Variants in FBH1 observed in about 807,000 individuals in gnomAD.
FBH1 encodes the protein DNA 3'-5' helicase 1.
In FBH1, 43 loss-of-function variants were observed where a neutral mutation model predicts 115.5. The ratio of observed to expected loss-of-function variants is 0.37; its 90% CI spans 0.29 to 0.48. FBH1 has a LOEUF of 0.48. Among genes scored for constraint, FBH1 ranks in the 20% least tolerant of loss-of-function variants. FBH1 has a pLI of 0.99. For missense variants in FBH1, 1,001 were observed against 1,337.3 expected, an observed-to-expected ratio of 0.75 and a Z score of 3.92; for synonymous variants, 524 against 507.8, an observed-to-expected ratio of 1.03 and a Z score of -0.43.
chr10:5,901,561 TC>T (rs1287420434), intron 1 of FBH1, among the ~76,000 whole-genome samples: 5 of 151,450 alleles, frequency 3.3e-5, no homozygotes, highest in Non-Finnish European at 5.9e-5. Context: ...TTCTTTTTTT[TC>T]TTTTTCTTTT....
chr10:5,907,883 CTT>C (rs1307520176), intron 3 of FBH1, among the ~76,000 whole-genome samples: 1 of 152,176 alleles, frequency 6.6e-6, no homozygotes, highest in Non-Finnish European at 1.5e-5. Context: ...CATATAATAA[CTT>C]AAGTGGTTTT....
In FBH1 at chr10:5,890,827, T is replaced by TG. The variant is rs1842671543; in HGVS notation, c.1+483dup. 2.6e-5 allele frequency among the ~76,000 whole-genome samples: 4 copies of TG among 152,204 alleles called. No individual in the cohort carries two copies. The South Asian group carries it at 8.3e-4, about 32-fold the overall frequency. ...GGCGATGTGGGAGGCCTGGCGCTGGTGGAGGGCACGGCGAGAGCTGGGCAG... is the reference window on the plus strand; with the variant it reads ...GGCGATGTGGGAGGCCTGGCGCTGGTGGGAGGGCACGGCGAGAGCTGGGCAG... On this transcript the variant is annotated intron_variant, in intron 1 of 20. Coordinates refer to ENST00000362091, the MANE Select transcript of FBH1 (RefSeq NM_178150.3).
intron 2 of FBH1, chr10:5,905,101 A>T (rs1170664697): frequency 6.6e-6 from 1 of 152,268 alleles, no homozygotes; most frequent in Non-Finnish European, 1.5e-5. Context: ...ATTGGTGCTT[A>T]GTAAATGTTC....
In FBH1 at chr10:5,936,323, G is replaced by T. The variant is rs989793282; in HGVS notation, c.2830-133G>T. 1.0e-5 allele frequency: 10 copies of T among 985,178 alleles called. No homozygotes were observed. The African/African-American group carries it at 1.6e-4, about 16-fold the overall frequency. 61.0% of individuals were successfully genotyped at this position (985,178 alleles called of 1,614,324 possible). On this transcript the variant is annotated intron_variant, in intron 19 of 20. Transcript: ENST00000362091. The surrounding 1 kb of genome is among the most constrained non-coding windows in gnomAD (Gnocchi z 5.6). ...AGTTAGAGGAAGTAAGGGAGAACGG[G>T]TTAGGCGGGGTTTTTCTCTCTGGGA...
rs1462238911 is a variant in FBH1 at position 5,915,517 on chromosome 10, G to C, written c.1511G>C (p.Ser504Thr). 1 of 1,614,234 alleles carries C rather than the reference G, an allele frequency of 6.2e-7. No homozygotes were observed. The highest frequency in any genetic ancestry group is 8.5e-7 in the Non-Finnish European group (1 of 1,180,048). ...AAGCAGGCCGAACGCGTCTTCCCCA[G>C]CAACGTCATCTGCAAAACCTTCCAC... The part of the protein sequence containing the change: ...IAKQAERVFP[S>T]NVICKTFHSM... Residue 504 changes from serine (S) to threonine (T), a missense_variant, in exon 9 of 21, where the codon AGC (serine) becomes ACC (threonine). By Grantham distance (58) the Ser-to-Thr change is moderately conservative (BLOSUM62 1). This residue lies in a region of FBH1 where 521 missense variants were observed against 811.0 expected (regional missense o/e 0.64). Transcript: ENST00000362091. This position sits in a 1 kb window ranked among gnomAD's most constrained non-coding sequence, Gnocchi z 5.2.
rs1832083982 is a variant in FBH1 at position 5,918,082 on chromosome 10, A to C, written c.1964-260A>C. On this transcript the variant is annotated intron_variant, in intron 12 of 20. Coordinates refer to ENST00000362091, the MANE Select transcript of FBH1 (RefSeq NM_178150.3). This position sits in a 1 kb window ranked among gnomAD's most constrained non-coding sequence, Gnocchi z 4.0. ...ATTAGAGAAGACACTGCCTCATTTTAGATTTGCCTGTGTTGTTTTCTTATA... is the reference window on the plus strand; with the variant it reads ...ATTAGAGAAGACACTGCCTCATTTTCGATTTGCCTGTGTTGTTTTCTTATA... Among the ~76,000 whole-genome samples the C allele has an allele frequency of 6.6e-6, 1 of 152,228 alleles. No individual in the cohort carries two copies. The highest frequency in any genetic ancestry group is 2.1e-4 in the South Asian group (1 of 4,834).
At chr10:5,929,066 A>G (rs1441292049) in intron 19 of FBH1, among the ~76,000 whole-genome samples, 1 of 152,204 alleles carries the variant, frequency 6.6e-6, no homozygotes, top group African/African-American at 2.4e-5. Context: ...TGTTAAGTGC[A>G]GTAGAACCCT....
Position 5,915,848 on chromosome 10 carries a change from T to C in FBH1, c.1565+277T>C, listed in dbSNP as rs1026030610. On this transcript the variant is annotated intron_variant, in intron 9 of 20. Transcript: ENST00000362091. The surrounding 1 kb of genome is among the most constrained non-coding windows in gnomAD (Gnocchi z 5.2). ...AAAATGACTTGCTTAAAGTTCAGAG[T>C]CTCACAAATCCTGATCAGTTGTAGG... 3 of 496,268 alleles carry C rather than the reference T, an allele frequency of 6.0e-6. No homozygotes were observed. In the Admixed American group the frequency reaches 1.1e-4, roughly 18 times the overall value. The allele number at this position is 496,268 out of a possible 1,614,324, so 30.7% of individuals were successfully genotyped here.
At position 5,937,263 on chromosome 10, in the gene FBH1, C is replaced by T; in HGVS notation, c.3115C>T (p.Leu1039Phe). ...NIVLPRHEAL[L>F]FLVF ...CGTACTGCCCCGGCATGAGGCCCTG[C>T]TCTTCCTCGTCTTCTGAGGACAAGG... Residue 1039 changes from leucine to phenylalanine, a missense_variant, in exon 21 of 21, where the codon CTC becomes TTC. Physicochemically the swap from Leu to Phe is conservative, Grantham distance 22. Around this residue, in one of 4 missense-constraint regions of FBH1, gnomAD observed 521 missense variants for 811.0 expected, o/e 0.64. Transcript: ENST00000362091. 6.2e-7 allele frequency: 1 copy of T among 1,603,318 alleles called. No homozygotes were observed. Among genetic ancestry groups the T allele is most frequent in the Non-Finnish European group, 8.5e-7 (1 of 1,173,866 alleles).
chr10:5,889,572 A>C, upstream of FBH1: 7 of 239,232 alleles, frequency 2.9e-5, no homozygotes, highest in Non-Finnish European at 3.1e-5. Flanking sequence ...CTGCCCCCTC[A>C]CAGCCCCGGC....
intron 13 of FBH1, among the ~76,000 whole-genome samples, chr10:5,920,396 A>G (rs184452296): frequency 6.6e-5 from 10 of 152,126 alleles, no homozygotes; most frequent in Admixed American, 4.6e-4. Context: ...ACTTTTTTTC[A>G]TCCTTTCCTT....
Position 5,936,321 on chromosome 10 carries a change from G to A in FBH1, c.2830-135G>A, listed in dbSNP as rs1425859736. 5.4e-6 allele frequency: 5 copies of A among 922,260 alleles called. No individual in the cohort carries two copies. Among genetic ancestry groups the A allele is most frequent in the East Asian group, 2.6e-5 (1 of 38,292 alleles). 57.1% of individuals were successfully genotyped at this position (922,260 alleles called of 1,614,324 possible). A position where few individuals can be genotyped will look rare whatever the true frequency, so the allele number is the denominator to read the frequency against. On this transcript the variant is annotated intron_variant, in intron 19 of 20. Transcript: ENST00000362091. This position sits in a 1 kb window ranked among gnomAD's most constrained non-coding sequence, Gnocchi z 5.6. Reference sequence around the variant, plus strand: ...AAAGTTAGAGGAAGTAAGGGAGAACGGGTTAGGCGGGGTTTTTCTCTCTGG... The same window carrying A: ...AAAGTTAGAGGAAGTAAGGGAGAACAGGTTAGGCGGGGTTTTTCTCTCTGG...
At position 5,917,948 on chromosome 10, in the gene FBH1, G is replaced by A. The variant is rs73616453; in HGVS notation, c.1963+272G>A. Among the ~76,000 whole-genome samples the A allele has an allele frequency of 0.017, 2,530 of 152,312 alleles. 52 individuals carry two copies. Among genetic ancestry groups the A allele is most frequent in the African/African-American group, 0.05 (2,090 of 41,554 alleles). On this transcript the variant is annotated intron_variant, in intron 12 of 20. Coordinates refer to ENST00000362091, the MANE Select transcript of FBH1 (RefSeq NM_178150.3). The surrounding 1 kb of genome is among the most constrained non-coding windows in gnomAD (Gnocchi z 5.6). ...CCTAGACTCATGCTCTGTGGGAAGA[G>A]ATCGTCCATTGACAGGGAAAAGCTT... is the stretch of plus-strand genomic sequence containing the variant.
intron 1 of FBH1, among the ~76,000 whole-genome samples, chr10:5,890,689 A>G (rs753781071): frequency 5.3e-5 from 8 of 152,180 alleles, no homozygotes; most frequent in Non-Finnish European, 1.0e-4. Flanking sequence ...CTAGGAGGCC[A>G]GGCTTTCCCG....
intron 1 of FBH1, 137 bp downstream of exon 1, chr10:5,890,483 G>T: frequency 3.3e-6 from 1 of 301,642 alleles, no homozygotes; most frequent in Non-Finnish European, 6.4e-6. Flanking sequence ...GGCTGGGCTC[G>T]GGCAAGCGCG....
chr10:5,899,081 A>C (rs1182605720), intron 1 of FBH1, among the ~76,000 whole-genome samples: 1 of 152,200 alleles, frequency 6.6e-6, no homozygotes, highest in Admixed American at 6.5e-5. Context: ...CTCTGTTTGT[A>C]GCTGTTTCCA....
At chr10:5,890,812 G>A (rs1842669665) in intron 1 of FBH1, among the ~76,000 whole-genome samples, 1 of 152,116 alleles carries the variant, frequency 6.6e-6, no homozygotes, top group East Asian at 1.9e-4. Context: ...GGCGATGTGG[G>A]AGGCCTGGCG....
At chr10:5,907,780 ATGT>A (rs1298617968) in intron 3 of FBH1, among the ~76,000 whole-genome samples, 1 of 152,148 alleles carries the variant, frequency 6.6e-6, no homozygotes, top group Non-Finnish European at 1.5e-5. Context: ...GGGCAAGGGT[ATGT>A]TGTTTAATAT....
intron 1 of FBH1, 134 bp from the exon 2 acceptor site, chr10:5,902,886 G>C (rs999365709): frequency 1.4e-6 from 1 of 694,328 alleles, no homozygotes; most frequent in Non-Finnish European, 2.2e-6. Flanking sequence ...GCAAGGGGAG[G>C]GGGGAACGGT....
Sources: gnomAD v4.1 joint callset for allele counts (sites outside exome capture counted in the v4.1 genomes callset) on GRCh38, gnomAD v4.1.1 for gene constraint, gnomAD v4.1.1 regional missense constraint, Gnocchi (gnomAD v3.1) non-coding constraint, MANE v1.5 for transcripts, NCBI Gene and HGNC (gene_info 2026-07-23, HGNC 2026-07-21) for gene names.